TGM5: variants seen among roughly 807,000 people sequenced by gnomAD.
TGM5 encodes transglutaminase 5, also known as protein-glutamine gamma-glutamyltransferase 5.
A neutral mutation model predicts 77.2 loss-of-function variants in TGM5; 69 were observed. The ratio of observed to expected loss-of-function variants is 0.89; its 90% CI spans 0.74 to 1.09. TGM5 has a LOEUF of 1.09. Ranked by LOEUF, TGM5 falls within the 50% of genes least tolerant of loss-of-function variation. TGM5 has a pLI of 0.00. For missense variants in TGM5, 842 were observed against 896.5 expected, an observed-to-expected ratio of 0.94 and a Z score of 0.78; for synonymous variants, 346 against 351.8, an observed-to-expected ratio of 0.98 and a Z score of 0.18.
At chr15:43,261,209 C>T (rs1475707388) in intron 1 of TGM5, among the ~76,000 whole-genome samples, 1 of 151,478 alleles carries the variant, frequency 6.6e-6, no homozygotes, top group Non-Finnish European at 1.5e-5. Flanking sequence ...CCTGCCTCAG[C>T]CTCCCGAGTA....
rs558754659 is a variant in TGM5 at position 43,260,631 on chromosome 15, C to A, written c.11-52G>T. On this transcript the variant is annotated intron_variant, in intron 1 of 12. Transcript: ENST00000220420. ...AAAATAGTGGGGTTGTGGAGCCAAT[C>A]CTGTCCACCACTTACTAGTTCTGCA... 21 of 1,596,166 alleles carry A rather than the reference C, an allele frequency of 1.3e-5. No individual in the cohort carries two copies. In the East Asian group the frequency reaches 4.2e-4, roughly 32 times the overall value.
chr15:43,233,290 G>A lies in TGM5; in HGVS notation c.2064C>T (p.Pro688=). The change falls in exon 13 of 13, where the codon CCC becomes CCT. Residue 688 remains proline, a synonymous_variant. Coordinates refer to ENST00000220420, the MANE Select transcript of TGM5 (RefSeq NM_201631.4). ...HQASIILETV[P]FKSGQRQIQA... ...GGATCTGCCTTTGTCCACTCTTGAA[G>A]GGGACGGTCTCCAGAATGATGCTTG... 2 of 1,614,154 alleles carry A rather than the reference G, an allele frequency of 1.2e-6. No homozygotes were observed. The highest frequency in any genetic ancestry group is 1.7e-6 in the Non-Finnish European group (2 of 1,180,042).
At chr15:43,266,773 G>A in intron 1 of TGM5, 67 bp downstream of exon 1, 2 of 1,597,236 alleles carry the variant, frequency 1.3e-6, no homozygotes, top group Admixed American at 1.7e-5. Context: ...TCCACCCCTT[G>A]ACTTCCTACA....
At chr15:43,233,738 C>T in intron 11 of TGM5, 51 bp from the exon 12 acceptor site, 1 of 1,606,028 alleles carries the variant, frequency 6.2e-7, no homozygotes, top group Non-Finnish European at 8.5e-7. Context: ...CCCAACTCAC[C>T]AGATATTTAC....
intron 3 of TGM5, among the ~76,000 whole-genome samples, chr15:43,259,734 G>C (rs143705791): frequency 1.3e-5 from 2 of 151,902 alleles, no homozygotes; most frequent in African/African-American, 2.4e-5. Context: ...CAGTGCATTC[G>C]TTCCTTTTAT....
At chr15:43,261,134 G>A (rs2042788122) in intron 1 of TGM5, among the ~76,000 whole-genome samples, 2 of 123,656 alleles carry the variant, frequency 1.6e-5, no homozygotes. Context: ...CTGTTGCCCA[G>A]GCTGCTGTGC....
Position 43,260,082 on chromosome 15 carries a change from A to G in TGM5, c.406T>C (p.Phe136Leu). 6.2e-7 allele frequency: 1 copy of G among 1,613,546 alleles called. No individual in the cohort carries two copies. The highest frequency in any genetic ancestry group is 8.5e-7 in the Non-Finnish European group (1 of 1,179,928). The change falls in exon 3 of 13, where the codon TTC (phenylalanine) becomes CTC (leucine). Residue 136 changes from phenylalanine to leucine, a missense_variant. Physicochemically the swap from Phe to Leu is conservative, Grantham distance 22. This residue lies in a region of TGM5 where 815 missense variants were observed against 844.6 expected (regional missense o/e 0.96). Transcript: ENST00000220420. ...CACCAGGGATTGAAAAGCAGGATGAACTCCCCTAGCTGGTAGGCCGTCACA... is the reference window on the plus strand; with the variant it reads ...CACCAGGGATTGAAAAGCAGGATGAGCTCCCCTAGCTGGTAGGCCGTCACA... ...GSVTAYQLGE[F>L]ILLFNPWCPE...
At chr15:43,241,053 A>G in intron 6 of TGM5, 63 bp from the exon 7 acceptor site, 2 of 1,608,122 alleles carry the variant, frequency 1.2e-6, no homozygotes, top group Admixed American at 1.7e-5. Flanking sequence ...ATATTCCTGG[A>G]CTTTGGGGCC....
intron 4 of TGM5, among the ~76,000 whole-genome samples, chr15:43,254,823 C>T (rs887754831): frequency 6.6e-6 from 1 of 152,174 alleles, no homozygotes; most frequent in African/African-American, 2.4e-5. Context: ...TTCTATGATA[C>T]TCCCATGCCC....
chr15:43,258,388 A>G (rs2042758908), intron 3 of TGM5, among the ~76,000 whole-genome samples: 1 of 152,170 alleles, frequency 6.6e-6, no homozygotes, highest in Non-Finnish European at 1.5e-5. Context: ...CTGAACCTAA[A>G]ATAAAGGTTA....
chr15:43,254,629 G>T (rs979715495), intron 4 of TGM5, among the ~76,000 whole-genome samples: 31 of 152,208 alleles, frequency 2.0e-4, no homozygotes, highest in African/African-American at 7.0e-4. Context: ...CCAGCCTCAA[G>T]TATCAATAAT....
chr15:43,241,219 CTG>C, intron 6 of TGM5: 1 of 588,204 alleles, frequency 1.7e-6, no homozygotes, highest in Non-Finnish European at 3.0e-6. Flanking sequence ...CAGACAAGCA[CTG>C]CCTGAGCCAG....
Position 43,266,920 on chromosome 15 carries a change from T to G in TGM5, c.-71A>C. The G allele has an allele frequency of 6.2e-7, 1 of 1,601,226 alleles. No individual in the cohort carries two copies. Among genetic ancestry groups the G allele is most frequent in the Admixed American group, 1.7e-5 (1 of 59,986 alleles). ...GCGGTCTGGAGCTTCAGCAAACTGG[T>G]GCCAGAGTGTCTACTTCCCCTTCCA... On this transcript the variant is annotated 5_prime_UTR_variant, in exon 1 of 13. Coordinates refer to ENST00000220420, the MANE Select transcript of TGM5 (RefSeq NM_201631.4).
At chr15:43,248,396 T>G (rs541910740) in intron 6 of TGM5, among the ~76,000 whole-genome samples, 81 of 152,210 alleles carry the variant, frequency 5.3e-4, no homozygotes, top group Middle Eastern at 3.4e-3. Flanking sequence ...TTGGTCTCGA[T>G]CTCCTGACCT....
intron 1 of TGM5, among the ~76,000 whole-genome samples, chr15:43,262,618 C>G (rs1248229933): frequency 6.6e-6 from 1 of 151,728 alleles, no homozygotes; most frequent in Non-Finnish European, 1.5e-5. Flanking sequence ...AACCCTGTCT[C>G]TACTAAAAAT....
chr15:43,256,202 G>C (rs2042741064), intron 4 of TGM5, among the ~76,000 whole-genome samples: 1 of 152,198 alleles, frequency 6.6e-6, no homozygotes, highest in Non-Finnish European at 1.5e-5. Context: ...CATGAAGTGA[G>C]AGAGTGGAAA....
intron 1 of TGM5, among the ~76,000 whole-genome samples, chr15:43,265,527 T>G (rs536141126): frequency 2.0e-5 from 3 of 152,328 alleles, no homozygotes; most frequent in African/African-American, 7.2e-5. Context: ...TGTTAATCTC[T>G]GCCTAAGACA....
chr15:43,248,791 GT>G (rs1373479607), intron 6 of TGM5, among the ~76,000 whole-genome samples: 2 of 152,212 alleles, frequency 1.3e-5, no homozygotes, highest in African/African-American at 4.8e-5. Flanking sequence ...AGACTTAAGG[GT>G]AAAAACAATG....
intron 6 of TGM5, among the ~76,000 whole-genome samples, chr15:43,251,445 G>T (rs2042702853): frequency 6.6e-6 from 1 of 152,020 alleles, no homozygotes; most frequent in Non-Finnish European, 1.5e-5. Flanking sequence ...CACACGAAAT[G>T]CAACAAACTT....
Sources: gnomAD v4.1 joint callset for allele counts (sites outside exome capture counted in the v4.1 genomes callset) on GRCh38, gnomAD v4.1.1 for gene constraint, gnomAD v4.1.1 regional missense constraint, MANE v1.5 for transcripts, NCBI Gene and HGNC (gene_info 2026-07-23, HGNC 2026-07-21) for gene names.